The following PCDHA7 variants were observed in gnomAD, a reference collection of about 807,000 sequenced individuals.
PCDHA7 encodes the protein protocadherin alpha-7.
Under a neutral mutation model 57.2 loss-of-function variants are expected in PCDHA7, and 37 were observed. The ratio of observed to expected loss-of-function variants is 0.65; its 90% CI spans 0.50 to 0.85. The LOEUF is 0.85. Among genes scored for constraint, PCDHA7 ranks in the 40% least tolerant of loss-of-function variants. PCDHA7 has a pLI of 0.00. For missense variants in PCDHA7, 1,188 were observed against 1,241.8 expected (o/e 0.96, Z 0.65); for synonymous variants, 553 against 558.8 (o/e 0.99, Z 0.15).
At chr5:140,997,986 A>C (rs1554256110) in intron 3 of PCDHA7, among the ~76,000 whole-genome samples, 2 of 152,186 alleles carry the variant, frequency 1.3e-5, no homozygotes, top group African/African-American at 4.8e-5. Flanking sequence ...CACTTGTTAC[A>C]TACTTCCCTC....
intron 1 of PCDHA7, among the ~76,000 whole-genome samples, chr5:140,923,800 T>C (rs1235494729): frequency 2.0e-5 from 3 of 152,178 alleles, no homozygotes; most frequent in Non-Finnish European, 4.4e-5. Flanking sequence ...TTTTCACAAA[T>C]GAAATCTTCT....
rs2150393367 is a variant in PCDHA7, at chr5:140,846,648, A to T, written c.2355+9910A>T. 2.0e-5 allele frequency among the ~76,000 whole-genome samples: 3 copies of T among 149,386 alleles called. No individual in the cohort carries two copies. The South Asian group carries it at 6.4e-4, about 32-fold the overall frequency. On this transcript the variant is annotated intron_variant, in intron 1 of 3. Coordinates refer to ENST00000525929, the MANE Select transcript of PCDHA7 (RefSeq NM_018910.3). ...TTCGGCCTCCTAAAGTGCTGGGATT[A>T]CAGGCATGAGCCACCGCGCCCAGCC...
At chr5:140,995,155 A>T (rs2097666869) in intron 3 of PCDHA7, among the ~76,000 whole-genome samples, 2 of 152,194 alleles carry the variant, frequency 1.3e-5, no homozygotes, top group Non-Finnish European at 2.9e-5. Flanking sequence ...CTTTATATAC[A>T]TTATGTTCTT....
chr5:140,856,524 C>G, intron 1 of PCDHA7: 1 of 1,598,296 alleles, frequency 6.3e-7, no homozygotes, highest in Non-Finnish European at 8.6e-7. Context: ...GCATCTGATG[C>G]GGATGTTGGA....
At chr5:140,891,371 T>G (rs1483919316) in intron 1 of PCDHA7, among the ~76,000 whole-genome samples, 1 of 152,146 alleles carries the variant, frequency 6.6e-6, no homozygotes, top group African/African-American at 2.4e-5. Context: ...CAGTATACAT[T>G]GCACCATATT....
intron 1 of PCDHA7, chr5:140,854,737 A>T (rs2043210768): frequency 6.7e-6 from 1 of 149,840 alleles, no homozygotes. Flanking sequence ...TTTTTTCAGC[A>T]GCACAGATAT....
At chr5:140,869,511 A>C in intron 1 of PCDHA7, 1 of 1,614,194 alleles carries the variant, frequency 6.2e-7, no homozygotes, top group Non-Finnish European at 8.5e-7. Context: ...TCTCGCTCAG[A>C]GAACAAAAGC....
chr5:140,928,792 G>T (rs1190569981), intron 1 of PCDHA7: 1 of 1,614,048 alleles, frequency 6.2e-7, no homozygotes, highest in African/African-American at 1.3e-5. Context: ...TAAGCAGAGG[G>T]TGGTGGTAGT....
intron 1 of PCDHA7, among the ~76,000 whole-genome samples, chr5:140,942,026 A>G (rs1394001505): frequency 6.6e-6 from 1 of 152,194 alleles, no homozygotes; most frequent in Non-Finnish European, 1.5e-5. Flanking sequence ...GGAAAAAATA[A>G]TTCATAAACC....
At chr5:140,987,439 A>G (rs1407783928) in intron 3 of PCDHA7, among the ~76,000 whole-genome samples, 18 of 152,154 alleles carry the variant, frequency 1.2e-4, no homozygotes, top group African/African-American at 3.9e-4. Flanking sequence ...GCCTTTCCCC[A>G]TGCCCGAGAG....
chr5:141,000,423 T>C (rs470406), intron 3 of PCDHA7, among the ~76,000 whole-genome samples: 6 of 66,864 alleles, frequency 9.0e-5, no homozygotes, highest in Non-Finnish European at 1.8e-4. Context: ...ATATATATAT[T>C]TTTTTTTTTT....
chr5:140,953,110 G>A (rs1384996852), intron 1 of PCDHA7, among the ~76,000 whole-genome samples: 2 of 152,074 alleles, frequency 1.3e-5, no homozygotes, highest in Non-Finnish European at 2.9e-5. Flanking sequence ...ATTTGGGCAG[G>A]GACACAGATC....
chr5:140,967,566 G>A, intron 1 of PCDHA7: 2 of 1,614,060 alleles, frequency 1.2e-6, no homozygotes, highest in South Asian at 2.2e-5. Context: ...GTCCAGCTAC[G>A]GGAGGACTCA....
chr5:140,927,008 T>C (rs1482906318), intron 1 of PCDHA7: 1 of 1,612,396 alleles, frequency 6.2e-7, no homozygotes, highest in Admixed American at 1.7e-5. Context: ...GTAGGCAATC[T>C]CTCCGCGGAC....
At chr5:140,867,507 C>G (rs190699676) in intron 1 of PCDHA7, 5 of 151,968 alleles carry the variant, frequency 3.3e-5, no homozygotes, top group Non-Finnish European at 7.4e-5. Flanking sequence ...AGAACAAAAT[C>G]TCAAATTAAT....
rs960845779 is a variant in PCDHA7, at chr5:140,852,795, A to G, written c.2355+16057A>G. 2.0e-5 allele frequency: 20 copies of G among 977,252 alleles called. 2 individuals are homozygous for G. In the African/African-American group the frequency reaches 2.8e-4, roughly 14 times the overall value. 60.5% of individuals were successfully genotyped at this position (977,252 alleles called of 1,614,324 possible). A position where few individuals can be genotyped will look rare whatever the true frequency, so the allele number is the denominator to read the frequency against. ...TGATGTGAATAGAGGGATGCTACAG[A>G]TGTCATTTGTCTCCCGCCCTAAGTC... On this transcript the variant is annotated intron_variant, in intron 1 of 3. Coordinates refer to ENST00000525929, the MANE Select transcript of PCDHA7 (RefSeq NM_018910.3).
At chr5:140,935,358 A>C (rs2090329846) in intron 1 of PCDHA7, among the ~76,000 whole-genome samples, 1 of 152,220 alleles carries the variant, frequency 6.6e-6, no homozygotes, top group East Asian at 1.9e-4. Context: ...CCCAGTTTTC[A>C]TTAACGTCAA....
At chr5:140,931,216 A>G (rs1347905969) in intron 1 of PCDHA7, among the ~76,000 whole-genome samples, 4 of 152,190 alleles carry the variant, frequency 2.6e-5, no homozygotes, top group African/African-American at 9.6e-5. Context: ...TTCAGGTATC[A>G]GAGCACTTAA....
chr5:140,969,184 C>A (rs1381646688), intron 1 of PCDHA7: 1 of 1,613,998 alleles, frequency 6.2e-7, no homozygotes, highest in Non-Finnish European at 8.5e-7. Flanking sequence ...GTGACACTTT[C>A]ATGTTTTACA....
Sources: gnomAD v4.1 joint callset for allele counts (sites outside exome capture counted in the v4.1 genomes callset) on GRCh38, gnomAD v4.1.1 for gene constraint, MANE v1.5 for transcripts, NCBI Gene and HGNC (gene_info 2026-07-23, HGNC 2026-07-21) for gene names.